The following LUC7L variants were observed in gnomAD, a reference collection of about 807,000 sequenced individuals.
LUC7L encodes the protein LUC7 like, also known as putative RNA-binding protein Luc7-like 1.
A neutral mutation model predicts 51.1 loss-of-function variants in LUC7L; 29 were observed. That is an observed-to-expected ratio of 0.57 (90% CI 0.42 to 0.77). The LOEUF (loss-of-function observed/expected upper bound fraction) is 0.77, where lower values mean the gene tolerates loss of function less well. Ranked by LOEUF, LUC7L falls within the 30% of genes least tolerant of loss-of-function variation. The probability of loss-of-function intolerance (pLI) is 0.00; values close to 1 mark genes in which losing one functional copy is unlikely to be tolerated. For synonymous variants in LUC7L, 181 were observed against 180.7 expected, an observed-to-expected ratio of 1.00 and a Z score of -0.01; for missense variants, 403 against 511.9, an observed-to-expected ratio of 0.79 and a Z score of 2.05.
intron 5 of LUC7L, among the ~76,000 whole-genome samples, chr16:200,360 C>A (rs2049287928): frequency 6.7e-6 from 1 of 148,926 alleles, no homozygotes; most frequent in African/African-American, 2.5e-5. Context: ...GCAGGCGGAG[C>A]TTGTAGTGAG....
intron 3 of LUC7L, among the ~76,000 whole-genome samples, chr16:213,648 G>A (rs554097548): frequency 1.3e-5 from 2 of 152,182 alleles, no homozygotes; most frequent in East Asian, 1.9e-4. Context: ...CATGCAATCC[G>A]TCTGCCTCGG....
rs181010223 is a variant in LUC7L at position 189,092 on chromosome 16, T to C, written c.*106A>G. 34 of 1,280,922 alleles carry C rather than the reference T, an allele frequency of 2.7e-5. No homozygotes were observed. The East Asian group carries it at 5.6e-4, about 21-fold the overall frequency. The allele number at this position is 1,280,922 out of a possible 1,614,324, so 79.3% of individuals were successfully genotyped here. A position where few individuals can be genotyped will look rare whatever the true frequency, so the allele number is the denominator to read the frequency against. On this transcript the variant is annotated 3_prime_UTR_variant, in exon 10 of 10. Transcript: ENST00000293872. ...AAACTCACAGCTAGCTCCAAAACAA[T>C]AGAAATTTTAAACTACAAAAGATGA...
chr16:207,934 G>A (rs922337616), intron 4 of LUC7L, 144 bp downstream of exon 4: 115 of 523,402 alleles, frequency 2.2e-4, no homozygotes, highest in South Asian at 2.5e-5. Context: ...GCATGAACCC[G>A]GGAGGCGGAG....
At chr16:223,916 C>CCCGCCT (rs755932676) in intron 2 of LUC7L, among the ~76,000 whole-genome samples, 2 of 151,964 alleles carry the variant, frequency 1.3e-5, no homozygotes, top group African/African-American at 4.8e-5. Flanking sequence ...AAGTGATCCA[C>CCCGCCT]CCGCCTCCTC....
At chr16:200,446 C>G (rs2049291578) in intron 5 of LUC7L, among the ~76,000 whole-genome samples, 1 of 149,600 alleles carries the variant, frequency 6.7e-6, no homozygotes, top group Admixed American at 6.7e-5. Flanking sequence ...CAGATGGTGG[C>G]AGGCATCTGT....
At chr16:210,821 G>A (rs1225198195) in intron 3 of LUC7L, among the ~76,000 whole-genome samples, 1 of 148,572 alleles carries the variant, frequency 6.7e-6, no homozygotes, top group Non-Finnish European at 1.5e-5. Flanking sequence ...GGAGGCTGAG[G>A]TGGGCGGATC....
chr16:207,568 GA>G (rs1473616652), intron 4 of LUC7L, among the ~76,000 whole-genome samples: 8 of 152,260 alleles, frequency 5.3e-5, no homozygotes, highest in Admixed American at 3.3e-4. Context: ...TACAGAGGAC[GA>G]AAATGGAGAG....
At chr16:199,347 A>T in intron 5 of LUC7L, 109 bp from the exon 6 acceptor site, 1 of 683,796 alleles carries the variant, frequency 1.5e-6, no homozygotes, top group Non-Finnish European at 2.4e-6. Context: ...ACTTTTAAAC[A>T]AATATTAAAA....
chr16:189,278 G>A lies in LUC7L; in HGVS notation c.1036C>T (p.Pro346Ser). 6.2e-7 allele frequency: 1 copy of A among 1,613,674 alleles called. No homozygotes were observed. Among genetic ancestry groups the A allele is most frequent in the Non-Finnish European group, 8.5e-7 (1 of 1,179,956 alleles). The change falls in exon 10 of 10, where the codon CCC becomes TCC. Residue 346 changes from proline (P) to serine (S), a missense_variant. Around this residue, in one of 3 missense-constraint regions of LUC7L, gnomAD observed 206 missense variants for 218.3 expected, o/e 0.94. Transcript: ENST00000293872. ...SWESGRSERG[P>S]PDWRLESSNG... The stretch of plus-strand genomic sequence containing the variant: ...GAGCTCTCAAGCCTCCAGTCCGGGG[G>A]CCCTCGCTCGCTCCGCCCGCTCTCC...
At chr16:226,028 C>T (rs935942066) in intron 2 of LUC7L, among the ~76,000 whole-genome samples, 4 of 152,208 alleles carry the variant, frequency 2.6e-5, no homozygotes, top group Admixed American at 6.5e-5. Flanking sequence ...CTTCCTTTGA[C>T]GAGTTGAAAT....
chr16:193,907 C>T (rs1360238450), intron 6 of LUC7L, among the ~76,000 whole-genome samples: 1 of 150,868 alleles, frequency 6.6e-6, no homozygotes, highest in African/African-American at 2.4e-5. Flanking sequence ...GGGTTCACGC[C>T]ATTCTCCTGT....
chr16:199,268 G>C, intron 5 of LUC7L, 30 bp from the exon 6 acceptor site: 2 of 1,490,628 alleles, frequency 1.3e-6, no homozygotes, highest in South Asian at 2.4e-5. Flanking sequence ...AAATAAAAGT[G>C]AGGTATATAG....
intron 8 of LUC7L, 29 bp from the exon 9 acceptor site, chr16:190,164 G>C (rs973105507): frequency 3.8e-6 from 6 of 1,587,774 alleles, no homozygotes; most frequent in Non-Finnish European, 5.2e-6. Context: ...CCAAGGCTGA[G>C]ACTCTATAGG....
At chr16:203,053 A>AG (rs1188608710) in intron 5 of LUC7L, among the ~76,000 whole-genome samples, 4 of 152,188 alleles carry the variant, frequency 2.6e-5, no homozygotes, top group African/African-American at 9.7e-5. Flanking sequence ...CAGGAGGCTG[A>AG]GGCAGGATAA....
At chr16:193,877 C>T (rs2049080350) in intron 6 of LUC7L, among the ~76,000 whole-genome samples, 2 of 151,216 alleles carry the variant, frequency 1.3e-5, no homozygotes, top group African/African-American at 2.4e-5. Context: ...AATCTCGGCT[C>T]GCCGCAAGCT....
At position 224,524 on chromosome 16, in the gene LUC7L, T is replaced by TA. The variant is rs544334106; in HGVS notation, c.156+2717dup. 9.9e-3 allele frequency among the ~76,000 whole-genome samples: 932 copies of TA among 93,860 alleles called. 11 individuals are homozygous for TA. The highest frequency in any genetic ancestry group is 0.035 in the African/African-American group (857 of 24,420). The allele number at this position is 93,860 out of a possible 152,430, so 61.6% of individuals were successfully genotyped here. ...ACAAGAGCGAAACTCAGTCTCAAAA[T>TA]AAAAAAAAAAGAAAACCTCATGAGG... On this transcript the variant is annotated intron_variant, in intron 2 of 9. Coordinates refer to ENST00000293872, the MANE Select transcript of LUC7L (RefSeq NM_201412.3).
intron 2 of LUC7L, among the ~76,000 whole-genome samples, chr16:221,740 A>C (rs1170689649): frequency 6.6e-6 from 1 of 152,116 alleles, no homozygotes; most frequent in South Asian, 2.1e-4. Context: ...GCCAGAAAAC[A>C]GTCTCACTGC....
chr16:210,801 C>T (rs932502344), intron 3 of LUC7L, among the ~76,000 whole-genome samples: 1 of 152,200 alleles, frequency 6.6e-6, no homozygotes, highest in African/African-American at 2.4e-5. Context: ...CCTGTAATCC[C>T]AGCACTTTGG....
chr16:226,256 A>C (rs887166338), intron 2 of LUC7L, among the ~76,000 whole-genome samples: 3 of 152,202 alleles, frequency 2.0e-5, no homozygotes, highest in Non-Finnish European at 4.4e-5. Context: ...ATGATTCATC[A>C]TGAAGAAAAC....
Sources: gnomAD v4.1 joint callset for allele counts (sites outside exome capture counted in the v4.1 genomes callset) on GRCh38, gnomAD v4.1.1 for gene constraint, gnomAD v4.1.1 regional missense constraint, MANE v1.5 for transcripts, NCBI Gene and HGNC (gene_info 2026-07-23, HGNC 2026-07-21) for gene names.